The following ATRX variants were observed in gnomAD, a reference collection of about 807,000 sequenced individuals.
The protein encoded by ATRX is chromatin remodeler ATRX.
ATRX carries 12 observed loss-of-function variants against 172.6 expected under a neutral mutation model. That is an observed-to-expected ratio of 0.07 (90% confidence interval 0.04 to 0.11). The LOEUF (loss-of-function observed/expected upper bound fraction) is 0.11, where lower values mean the gene tolerates loss of function less well. ATRX is among the 10% of genes least tolerant of loss of function. ATRX has a pLI of 1.00. For missense variants in ATRX, 1,368 were observed against 1,767.4 expected, an observed-to-expected ratio of 0.77 and a Z score of 4.05; for synonymous variants, 674 against 594.7, an observed-to-expected ratio of 1.13 and a Z score of -1.94.
chrX:77,681,347 G>A (rs1439340628), intron 9 of ATRX, among the ~76,000 whole-genome samples, 173 bp downstream of exon 9: 1 of 111,723 alleles, frequency 9.0e-6, no homozygotes, highest in African/African-American at 3.2e-5. Context: ...ATCTTCCAAT[G>A]GCAGCATAAA....
intron 1 of ATRX, among the ~76,000 whole-genome samples, chrX:77,785,106 C>G (rs1231817582): frequency 9.0e-6 from 1 of 111,576 alleles, no homozygotes; most frequent in Non-Finnish European, 1.9e-5. Context: ...ACCTAATAAA[C>G]GTGCTTGATT....
At chrX:77,655,746 T>C (rs938923875) in intron 13 of ATRX, among the ~76,000 whole-genome samples, 1 of 110,340 alleles carries the variant, frequency 9.1e-6, no homozygotes, top group Non-Finnish European at 1.9e-5. Flanking sequence ...TTTCATTTTA[T>C]ATTGACTTAA....
intron 15 of ATRX, among the ~76,000 whole-genome samples, chrX:77,643,262 AACACAC>A (rs370939089): frequency 9.3e-6 from 1 of 108,108 alleles, no homozygotes; most frequent in Admixed American, 1.0e-4. Flanking sequence ...ACAGCTTTAA[AACACAC>A]ACACACACAC....
At chrX:77,583,280 C>T (rs2065891315) in intron 27 of ATRX, among the ~76,000 whole-genome samples, 1 of 111,269 alleles carries the variant, frequency 9.0e-6, no homozygotes, top group South Asian at 3.8e-4. Context: ...TCCCAGCTCT[C>T]TGGAAGGCCG....
chrX:77,648,617 A>C (rs2069038075), intron 15 of ATRX, among the ~76,000 whole-genome samples: 1 of 78,198 alleles, frequency 1.3e-5, no homozygotes, highest in African/African-American at 3.7e-5. Flanking sequence ...ATGAAATCCA[A>C]AGCTGCGTTT....
intron 1 of ATRX, among the ~76,000 whole-genome samples, chrX:77,722,427 T>C (rs1219553160): frequency 1.8e-5 from 2 of 111,360 alleles, no homozygotes; most frequent in African/African-American, 6.5e-5. Context: ...GAGAACTTTT[T>C]TGTGATCTAT....
At position 77,762,138 on chromosome X, in the gene ATRX, A is replaced by G. The variant is rs782784999; in HGVS notation, c.20+23844T>C. On this transcript the variant is annotated intron_variant, in intron 1 of 34. Coordinates refer to ENST00000373344, the MANE Select transcript of ATRX (RefSeq NM_000489.6). ...TAACATAATGAAACCCCATCTCTAC[A>G]AAAAATACAAAAAAAATTAGCCAGG... Among the ~76,000 whole-genome samples the G allele has an allele frequency of 6.5e-5, 7 of 108,404 alleles. No individual in the cohort carries two copies. In the South Asian group the frequency reaches 2.8e-3, roughly 44 times the overall value. The allele number at this position is 108,404 out of a possible 115,157, so 94.1% of individuals were successfully genotyped here. A position where few individuals can be genotyped will look rare whatever the true frequency, so the allele number is the denominator to read the frequency against.
At chrX:77,754,093 C>T (rs1017916199) in intron 1 of ATRX, among the ~76,000 whole-genome samples, 4 of 111,573 alleles carry the variant, frequency 3.6e-5, no homozygotes, top group Non-Finnish European at 7.5e-5. Flanking sequence ...ATGTAATGCC[C>T]TTCTTTGTCC....
At chrX:77,653,145 T>C (rs887625801) in intron 14 of ATRX, among the ~76,000 whole-genome samples, 1 of 109,164 alleles carries the variant, frequency 9.2e-6, no homozygotes, top group Admixed American at 9.7e-5. Flanking sequence ...CAGTGTGGAG[T>C]TTTCCAAAAG....
intron 25 of ATRX, chrX:77,596,859 C>T (rs2066484231): frequency 9.0e-6 from 1 of 111,304 alleles, no homozygotes; most frequent in Non-Finnish European, 1.9e-5. Context: ...TCAGTATACT[C>T]TTACGTAACC....
rs1557140723 is a variant in ATRX at position 77,683,439 on chromosome X, T to C, written c.1817A>G (p.Gln606Arg). 3.3e-6 allele frequency: 4 copies of C among 1,208,713 alleles called. No homozygotes were observed. Among genetic ancestry groups the C allele is most frequent in the Admixed American group, 4.4e-5 (2 of 45,751 alleles). Residue 606 changes from glutamine to arginine, a missense_variant, in exon 9 of 35, where the codon CAG becomes CGG. Gln to Arg is a conservative substitution (Grantham distance 43). Transcript: ENST00000373344. ...SNSPIKGADC[Q>R]EVPQDKDGYK... ...GCCATCTTTATCTTGTGGAACTTCC[T>C]GACAATCAGCACCTTTAATTGGGGA...
chrX:77,558,642 A>G, intron 29 of ATRX, 27 bp downstream of exon 29: 1 of 1,132,265 alleles, frequency 8.8e-7, no homozygotes, highest in East Asian at 3.0e-5. Flanking sequence ...TAAACTTTCA[A>G]TATGAAAAAG....
intron 7 of ATRX, 34 bp from the exon 8 acceptor site, chrX:77,685,040 T>G (rs1557143121): frequency 9.4e-7 from 1 of 1,059,992 alleles, no homozygotes; most frequent in Admixed American, 2.2e-5. Context: ...GAAATTTAAT[T>G]CGAAATTGAT....
chrX:77,549,761 C>A (rs763739), intron 30 of ATRX, among the ~76,000 whole-genome samples: 8 of 111,372 alleles, frequency 7.2e-5, no homozygotes, highest in African/African-American at 2.6e-4. Flanking sequence ...GTTCACAGGA[C>A]GTCAAGGCTA....
chrX:77,538,429 GACAA>G (rs2063837503), intron 30 of ATRX, among the ~76,000 whole-genome samples: 1 of 110,824 alleles, frequency 9.0e-6, no homozygotes. Flanking sequence ...TGCACACAGG[GACAA>G]ACAGAATGGA....
chrX:77,508,810 G>T (rs2062770333), intron 34 of ATRX, among the ~76,000 whole-genome samples, 181 bp from the exon 35 acceptor site: 1 of 112,100 alleles, frequency 8.9e-6, no homozygotes, highest in Non-Finnish European at 1.9e-5. Context: ...CAGTTAGTAA[G>T]ATCATTTAGG....
intron 2 of ATRX, among the ~76,000 whole-genome samples, chrX:77,716,548 G>C (rs1381003346): frequency 9.3e-6 from 1 of 107,810 alleles, no homozygotes; most frequent in Non-Finnish European, 1.9e-5. Flanking sequence ...TTCCAGACCA[G>C]CTTGGCCAAC....
At chrX:77,758,362 C>T (rs1557191260) in intron 1 of ATRX, among the ~76,000 whole-genome samples, 1 of 107,930 alleles carries the variant, frequency 9.3e-6, no homozygotes, top group Non-Finnish European at 1.9e-5. Context: ...TGCACTCTAG[C>T]CTGGGCAACA....
At chrX:77,695,540 A>C (rs1420254129) in intron 5 of ATRX, among the ~76,000 whole-genome samples, 2 of 111,223 alleles carry the variant, frequency 1.8e-5, no homozygotes, top group Non-Finnish European at 3.8e-5. Context: ...AATCCAAAGT[A>C]AGTCACCACC....
Sources: allele counts gnomAD v4.1 joint callset (sites outside exome capture counted in the v4.1 genomes callset), GRCh38; gene constraint gnomAD v4.1.1; transcripts MANE v1.5; gene names NCBI Gene and HGNC (gene_info 2026-07-23, HGNC 2026-07-21).